The following SETBP1 variants were observed in gnomAD, a reference collection of about 807,000 sequenced individuals.
The protein encoded by SETBP1 is SET-binding protein.
SETBP1 carries 9 observed loss-of-function variants against 101.0 expected under a neutral mutation model. That is an observed-to-expected ratio of 0.09 (90% CI 0.05 to 0.16). The LOEUF (loss-of-function observed/expected upper bound fraction) is 0.16. Among genes scored for constraint, SETBP1 ranks in the 10% least tolerant of loss-of-function variants. SETBP1 has a pLI of 1.00. For synonymous variants in SETBP1, 818 were observed against 788.5 expected (o/e 1.04, Z -0.63); for missense variants, 1,858 against 2,033.8 (o/e 0.91, Z 1.66).
At chr18:44,902,413 T>G (rs2070071706) in intron 3 of SETBP1, among the ~76,000 whole-genome samples, 1 of 146,090 alleles carries the variant, frequency 6.8e-6, no homozygotes. Flanking sequence ...CCCAGCTAAA[T>G]TGGGTTGGGG....
chr18:44,983,330 T>C (rs904636268), intron 4 of SETBP1, among the ~76,000 whole-genome samples: 18 of 152,210 alleles, frequency 1.2e-4, no homozygotes, highest in African/African-American at 4.3e-4. Context: ...ATTTGAGGGC[T>C]TGTGAAATGT....
At chr18:44,792,965 A>T (rs2071398548) in intron 2 of SETBP1, among the ~76,000 whole-genome samples, 1 of 152,218 alleles carries the variant, frequency 6.6e-6, no homozygotes, top group Non-Finnish European at 1.5e-5. Context: ...AGCTTTGAGA[A>T]TGCAAGAGCC....
chr18:44,750,236 A>C (rs893843831), intron 2 of SETBP1, among the ~76,000 whole-genome samples: 1 of 152,210 alleles, frequency 6.6e-6, no homozygotes, highest in Non-Finnish European at 1.5e-5. Context: ...GAGGTTGGGA[A>C]GTCTACATTC....
rs1455822703 is a variant in SETBP1 at position 44,798,107 on chromosome 18, A to G, written c.487-71123A>G. On this transcript the variant is annotated intron_variant, in intron 2 of 5. Transcript: ENST00000649279. ...TATACACAGAGACACAAAGTGTTAT[A>G]TGCAACATCTGGAGATTCATAGACC... 2.0e-5 allele frequency among the ~76,000 whole-genome samples: 3 copies of G among 152,214 alleles called. No individual in the cohort carries two copies. The East Asian group carries it at 5.8e-4, about 29-fold the overall frequency.
intron 2 of SETBP1, among the ~76,000 whole-genome samples, chr18:44,788,961 C>T (rs1303428254): frequency 2.6e-5 from 4 of 151,782 alleles, no homozygotes; most frequent in Non-Finnish European, 5.9e-5. Flanking sequence ...CACCACTCCT[C>T]CTGGCTAATT....
rs1232389737 is a variant in SETBP1 at position 45,066,415 on chromosome 18, AC to A, written c.*2720del. ...ACCTACTCAGCTTCCTCTCTCCACC[AC>A]CCAGTTCCTCCCTCAGTATCACATT... On this transcript the variant is annotated 3_prime_UTR_variant, in exon 6 of 6. Coordinates refer to ENST00000649279, the MANE Select transcript of SETBP1 (RefSeq NM_015559.3). 2 of 152,100 alleles carry A rather than the reference AC, an allele frequency of 1.3e-5. No homozygotes were observed. The highest frequency in any genetic ancestry group is 2.9e-5 in the Non-Finnish European group (2 of 68,022). The allele number at this position is 152,100 out of a possible 1,614,324, so 9.4% of individuals were successfully genotyped here.
At chr18:44,702,227 T>G (rs1269629936) in intron 2 of SETBP1, among the ~76,000 whole-genome samples, 1 of 152,118 alleles carries the variant, frequency 6.6e-6, no homozygotes, top group African/African-American at 2.4e-5. Context: ...GTCTTCATGG[T>G]GGGTAGGCTG....
chr18:44,763,779 C>T (rs1330997991), intron 2 of SETBP1, among the ~76,000 whole-genome samples: 1 of 152,082 alleles, frequency 6.6e-6, no homozygotes, highest in Non-Finnish European at 1.5e-5. Flanking sequence ...AATATGTTTC[C>T]CTTGGCTTCT....
intron 2 of SETBP1, among the ~76,000 whole-genome samples, chr18:44,858,880 T>C (rs1288437585): frequency 6.6e-6 from 1 of 152,212 alleles, no homozygotes; most frequent in Non-Finnish European, 1.5e-5. Flanking sequence ...TTATTAAAAG[T>C]AATAATTGCC....
At chr18:45,023,688 G>T (rs1187557745) in intron 4 of SETBP1, among the ~76,000 whole-genome samples, 1 of 152,128 alleles carries the variant, frequency 6.6e-6, no homozygotes. Flanking sequence ...CATCCAAATT[G>T]CAACCCTCCA....
intron 2 of SETBP1, among the ~76,000 whole-genome samples, chr18:44,863,100 T>C (rs1483735248): frequency 6.6e-6 from 1 of 152,182 alleles, no homozygotes; most frequent in Non-Finnish European, 1.5e-5. Flanking sequence ...TACCTTATTT[T>C]CCAATTTCCA....
chr18:44,749,459 G>A (rs2144525686), intron 2 of SETBP1, among the ~76,000 whole-genome samples: 1 of 152,218 alleles, frequency 6.6e-6, no homozygotes, highest in African/African-American at 2.4e-5. Flanking sequence ...TTCTTTTTCG[G>A]GAGAAAGGCA....
intron 4 of SETBP1, among the ~76,000 whole-genome samples, chr18:44,991,211 C>A (rs76566020): frequency 0.04 from 5,706 of 142,734 alleles, 396 homozygotes; most frequent in African/African-American, 0.14. Context: ...CCACTGCACT[C>A]CAGCCTGAGT....
chr18:44,846,866 T>C (rs1020333060), intron 2 of SETBP1, among the ~76,000 whole-genome samples: 1 of 152,228 alleles, frequency 6.6e-6, no homozygotes, highest in Admixed American at 6.5e-5. Flanking sequence ...CAAATCAATA[T>C]ATTGAATGAG....
Position 44,701,188 on chromosome 18 carries a change from C to T in SETBP1, c.-159C>T. On this transcript the variant is annotated 5_prime_UTR_variant, in exon 2 of 6. Coordinates refer to ENST00000649279, the MANE Select transcript of SETBP1 (RefSeq NM_015559.3). Reference sequence around the variant, plus strand: ...TTTGCTTCTCAGTTGCAGATCTGATCTCTTCTGAACACCTCATCGTGTCTC... The same window carrying T: ...TTTGCTTCTCAGTTGCAGATCTGATTTCTTCTGAACACCTCATCGTGTCTC... 1 of 668,212 alleles carries T rather than the reference C, an allele frequency of 1.5e-6. No individual in the cohort carries two copies. The highest frequency in any genetic ancestry group is 2.3e-6 in the Non-Finnish European group (1 of 427,500). 41.4% of individuals were successfully genotyped at this position (668,212 alleles called of 1,614,324 possible).
At chr18:44,753,488 G>T (rs979688440) in intron 2 of SETBP1, among the ~76,000 whole-genome samples, 2 of 152,350 alleles carry the variant, frequency 1.3e-5, no homozygotes, top group Admixed American at 6.5e-5. Flanking sequence ...TGTATTAGAA[G>T]TAGTGCTACC....
chr18:44,822,269 T>G (rs537699294), intron 2 of SETBP1, among the ~76,000 whole-genome samples: 57 of 152,350 alleles, frequency 3.7e-4, no homozygotes, highest in Non-Finnish European at 6.9e-4. Context: ...GTGTGGTCTA[T>G]CCCTAAGTCC....
At chr18:44,768,372 T>C (rs1326869877) in intron 2 of SETBP1, among the ~76,000 whole-genome samples, 1 of 152,068 alleles carries the variant, frequency 6.6e-6, no homozygotes, top group South Asian at 2.1e-4. Context: ...AATGCTTTCA[T>C]GGTGTATGTG....
At chr18:44,926,874 A>C (rs761435745) in intron 3 of SETBP1, among the ~76,000 whole-genome samples, 15 of 152,222 alleles carry the variant, frequency 9.9e-5, no homozygotes, top group Non-Finnish European at 2.1e-4. Flanking sequence ...GGTCGGTTCA[A>C]GAATCCAGAG....
Sources: allele counts gnomAD v4.1 joint callset (sites outside exome capture counted in the v4.1 genomes callset), GRCh38; gene constraint gnomAD v4.1.1; transcripts MANE v1.5; gene names NCBI Gene and HGNC (gene_info 2026-07-23, HGNC 2026-07-21).